Variants in ADGRL3 observed in about 807,000 individuals in gnomAD.
ADGRL3 encodes adhesion G protein-coupled receptor L3.
In ADGRL3, 62 loss-of-function variants were observed where a neutral mutation model predicts 153.5. That is an observed-to-expected ratio of 0.40 (90% CI 0.33 to 0.50). The LOEUF is 0.50. ADGRL3 is among the 20% of genes least tolerant of loss of function. The probability of loss-of-function intolerance (pLI) is 0.47; values close to 1 mark genes in which losing one functional copy is unlikely to be tolerated. For missense variants in ADGRL3, 1,641 were observed against 1,859.4 expected (o/e 0.88, Z 2.16); for synonymous variants, 710 against 672.5 (o/e 1.06, Z -0.86).
At chr4:61,881,135 C>G (rs2098506034) in intron 9 of ADGRL3, among the ~76,000 whole-genome samples, 1 of 152,116 alleles carries the variant, frequency 6.6e-6, no homozygotes, top group Non-Finnish European at 1.5e-5. Context: ...ATAATCTCCT[C>G]TGTGTTCCAG....
chr4:61,763,524 C>T (rs185167046), intron 8 of ADGRL3, among the ~76,000 whole-genome samples: 2 of 152,218 alleles, frequency 1.3e-5, no homozygotes, highest in African/African-American at 4.8e-5. Flanking sequence ...TATTCTGTAG[C>T]TGAGTGGCAC....
chr4:61,840,603 G>GT (rs1245760080), intron 9 of ADGRL3, among the ~76,000 whole-genome samples: 1 of 152,028 alleles, frequency 6.6e-6, no homozygotes, highest in Non-Finnish European at 1.5e-5. Flanking sequence ...TGTTTTACTA[G>GT]TTACTGTACT....
chr4:61,714,218 T>TACCCACACACACACACAC (rs1554010612), intron 6 of ADGRL3, among the ~76,000 whole-genome samples: 2 of 128,982 alleles, frequency 1.6e-5, no homozygotes. Context: ...CCATGTAAAA[T>TACCCACACACACACACAC]ACGCACACAC....
chr4:61,358,638 T>G (rs1346781690), intron 1 of ADGRL3, among the ~76,000 whole-genome samples: 1 of 151,216 alleles, frequency 6.6e-6, no homozygotes, highest in Non-Finnish European at 1.5e-5. Context: ...CATTGATGTC[T>G]TCTTGAAAAA....
chr4:61,392,239 C>T (rs1350293017), intron 2 of ADGRL3, among the ~76,000 whole-genome samples: 1 of 151,796 alleles, frequency 6.6e-6, no homozygotes. Context: ...TGTCTTGTTT[C>T]CTATCGTAGA....
chr4:61,968,803 G>C (rs1201963158), intron 17 of ADGRL3, among the ~76,000 whole-genome samples: 1 of 152,074 alleles, frequency 6.6e-6, no homozygotes, highest in Non-Finnish European at 1.5e-5. Flanking sequence ...ACATTTATAG[G>C]CTGAATGGAA....
rs1560397908 is a variant in ADGRL3, at chr4:61,934,972, G to A, written c.2245G>A (p.Ala749Thr). Residue 749 changes from alanine (A) to threonine (T), a missense_variant, in exon 14 of 27, where the codon GCT becomes ACT. By Grantham distance (58) the Ala-to-Thr change is moderately conservative. Coordinates refer to ENST00000683033, the MANE Select transcript of ADGRL3 (RefSeq NM_001387552.1). The part of the protein sequence containing the change: ...HTVEESAFVL[A>T]DNLLKTDIVR... ...TGTGGAGGAAAGTGCTTTTGTGCTG[G>A]CTGATAACCTTTTGAAGACTGACAT... The A allele has an allele frequency of 6.2e-7, 1 of 1,613,810 alleles. No individual in the cohort carries two copies. Among genetic ancestry groups the A allele is most frequent in the East Asian group, 2.2e-5 (1 of 44,882 alleles).
chr4:61,768,539 G>A (rs1183621010), intron 8 of ADGRL3, among the ~76,000 whole-genome samples: 3 of 152,164 alleles, frequency 2.0e-5, no homozygotes, highest in East Asian at 1.9e-4. Context: ...CCCATTTTAC[G>A]ACAAGAATTA....
chr4:61,211,183 C>CTT (rs1481216744), intron 1 of ADGRL3, among the ~76,000 whole-genome samples: 2 of 152,150 alleles, frequency 1.3e-5, no homozygotes, highest in East Asian at 3.9e-4. Context: ...AGCTAGCTTT[C>CTT]TGCTGAGCTG....
intron 9 of ADGRL3, among the ~76,000 whole-genome samples, chr4:61,854,868 G>A: frequency 6.6e-6 from 1 of 152,074 alleles, no homozygotes; most frequent in East Asian, 1.9e-4. Context: ...CACCTCTGTG[G>A]TCATCCTTCC....
intron 3 of ADGRL3, among the ~76,000 whole-genome samples, chr4:61,498,923 T>C (rs770059585): frequency 2.0e-5 from 3 of 152,170 alleles, no homozygotes; most frequent in Non-Finnish European, 4.4e-5. Context: ...GAAAATGTTG[T>C]AATATAGTCA....
At chr4:61,582,343 C>G (rs112797034) in intron 4 of ADGRL3, among the ~76,000 whole-genome samples, 8,148 of 152,020 alleles carry the variant, frequency 0.054, 666 homozygotes, top group African/African-American at 0.18. Flanking sequence ...TCCCTCCCCC[C>G]GCTCCTGCCT....
chr4:61,426,479 T>C (rs7686044), intron 2 of ADGRL3, among the ~76,000 whole-genome samples: 59,834 of 152,012 alleles, frequency 0.39, 12,334 homozygotes, highest in Middle Eastern at 0.57. Flanking sequence ...GAGTCAGCAG[T>C]ACAGTTATGT....
chr4:61,390,324 G>A (rs1350699581), intron 2 of ADGRL3, among the ~76,000 whole-genome samples: 1 of 152,038 alleles, frequency 6.6e-6, no homozygotes, highest in Non-Finnish European at 1.5e-5. Flanking sequence ...ATCTTAAAGT[G>A]TCCACAGCTG....
At chr4:62,003,691 T>G (rs989244693) in intron 21 of ADGRL3, among the ~76,000 whole-genome samples, 1 of 152,190 alleles carries the variant, frequency 6.6e-6, no homozygotes, top group Non-Finnish European at 1.5e-5. Flanking sequence ...ATGGTGAAGC[T>G]TTGCTCAGCC....
chr4:61,974,942 A>AG (rs560554745), intron 17 of ADGRL3, among the ~76,000 whole-genome samples: 93 of 152,310 alleles, frequency 6.1e-4, no homozygotes, highest in African/African-American at 2.2e-3. Context: ...TACAACTTGT[A>AG]GTTTGAATCA....
rs535610729 is a variant in ADGRL3, at chr4:61,795,744, G to C, written c.1400-18065G>C. 3.3e-5 allele frequency among the ~76,000 whole-genome samples: 5 copies of C among 152,232 alleles called. No homozygotes were observed. The East Asian group carries it at 9.7e-4, about 29-fold the overall frequency. On this transcript the variant is annotated intron_variant, in intron 8 of 26. Coordinates refer to ENST00000683033, the MANE Select transcript of ADGRL3 (RefSeq NM_001387552.1). ...CTACTATTCTTAAAAAATAAAATGA[G>C]AGATTTTTTATTCCGCTTCCCCAAG... is the stretch of plus-strand genomic sequence containing the variant.
intron 4 of ADGRL3, among the ~76,000 whole-genome samples, chr4:61,576,058 C>T (rs1437493043): frequency 6.6e-6 from 1 of 151,834 alleles, no homozygotes; most frequent in Non-Finnish European, 1.5e-5. Flanking sequence ...CCTGTGATTT[C>T]TTTATGTGGT....
At chr4:61,245,842 A>G (rs1279358775) in intron 1 of ADGRL3, among the ~76,000 whole-genome samples, 1 of 152,014 alleles carries the variant, frequency 6.6e-6, no homozygotes, top group Admixed American at 6.6e-5. Context: ...ATGATAATCT[A>G]GGTTCCCTGC....
Sources: allele counts gnomAD v4.1 joint callset (sites outside exome capture counted in the v4.1 genomes callset), GRCh38; gene constraint gnomAD v4.1.1; transcripts MANE v1.5; gene names NCBI Gene and HGNC (gene_info 2026-07-23, HGNC 2026-07-21).